The following SLC5A12 variants were observed in gnomAD, a reference collection of about 807,000 sequenced individuals.
SLC5A12 encodes solute carrier family 5 member 12.
SLC5A12 carries 46 observed loss-of-function variants against 72.7 expected under a neutral mutation model. That is an observed-to-expected ratio of 0.63 (90% CI 0.50 to 0.81). SLC5A12 has a LOEUF of 0.81. Among genes scored for constraint, SLC5A12 ranks in the 30% least tolerant of loss-of-function variants. SLC5A12 has a pLI of 0.00. For synonymous variants in SLC5A12, 275 were observed against 264.4 expected, an observed-to-expected ratio of 1.04 and a Z score of -0.39; for missense variants, 683 against 740.7, an observed-to-expected ratio of 0.92 and a Z score of 0.90.
At chr11:26,713,900 AG>A in intron 1 of SLC5A12, among the ~76,000 whole-genome samples, 1 of 152,126 alleles carries the variant, frequency 6.6e-6, no homozygotes, top group East Asian at 1.9e-4. Flanking sequence ...GGCTGCTGGC[AG>A]TCCTTAGCTT....
In SLC5A12 at chr11:26,668,402, T is replaced by C. The variant is rs1854048789; in HGVS notation, c.*2700A>G. ...CATTTATTGAGAATGTCTCTGGTCA[T>C]GCTGTGGCAAAAACAGCCACAAGTT... On this transcript the variant is annotated 3_prime_UTR_variant, in exon 15 of 15. Coordinates refer to ENST00000396005, the MANE Select transcript of SLC5A12 (RefSeq NM_178498.4). 6.6e-6 allele frequency: 1 copy of C among 152,070 alleles called. No homozygotes were observed. The highest frequency in any genetic ancestry group is 1.5e-5 in the Non-Finnish European group (1 of 68,016). 9.4% of individuals were successfully genotyped at this position (152,070 alleles called of 1,614,324 possible).
chr11:26,709,355 G>A lies in SLC5A12; in HGVS notation c.482C>T (p.Ser161Phe), dbSNP rs897910907. The part of the protein sequence containing the change: ...NQVTGFDLWG[S>F]VFATGIVCTF... ...GCAAACAATTCCTGTTGCAAACACA[G>A]AGCCCCAGAGATCAAACCCAGTCAC... Residue 161 changes from serine to phenylalanine, a missense_variant, in exon 4 of 15, where the codon TCT (serine) becomes TTT (phenylalanine). Ser to Phe is a radical substitution (Grantham distance 155). Coordinates refer to ENST00000396005, the MANE Select transcript of SLC5A12 (RefSeq NM_178498.4). 1 of 1,611,428 alleles carries A rather than the reference G, an allele frequency of 6.2e-7. No individual in the cohort carries two copies. Among genetic ancestry groups the A allele is most frequent in the Non-Finnish European group, 8.5e-7 (1 of 1,178,626 alleles).
chr11:26,678,402 C>T (rs572140294), intron 13 of SLC5A12, among the ~76,000 whole-genome samples: 194 of 151,862 alleles, frequency 1.3e-3, no homozygotes, highest in Middle Eastern at 0.01. Context: ...TTTTTTGAGA[C>T]GGAGCCTTGC....
At chr11:26,703,504 TA>T (rs765060060) in intron 6 of SLC5A12, 26 bp downstream of exon 6, 3 of 1,609,312 alleles carry the variant, frequency 1.9e-6, no homozygotes, top group Non-Finnish European at 2.5e-6. Context: ...GATAAAACAT[TA>T]AAATTTTTCT....
intron 6 of SLC5A12, among the ~76,000 whole-genome samples, chr11:26,700,975 C>T (rs1326837897): frequency 2.0e-5 from 3 of 152,110 alleles, no homozygotes; most frequent in African/African-American, 7.2e-5. Flanking sequence ...TTTTCTAAGC[C>T]GCATGGAATG....
intron 4 of SLC5A12, 39 bp from the exon 5 acceptor site, chr11:26,703,986 C>G: frequency 6.2e-7 from 1 of 1,609,110 alleles, no homozygotes; most frequent in South Asian, 1.1e-5. Flanking sequence ...GAAAACAAAC[C>G]CTGTAACTGT....
At chr11:26,685,821 C>T (rs968082639) in intron 10 of SLC5A12, among the ~76,000 whole-genome samples, 3 of 151,896 alleles carry the variant, frequency 2.0e-5, no homozygotes, top group African/African-American at 7.3e-5. Context: ...CTTTTTTTCC[C>T]GTAATCACCT....
At chr11:26,687,932 C>T (rs908046752) in intron 9 of SLC5A12, among the ~76,000 whole-genome samples, 19 of 152,294 alleles carry the variant, frequency 1.2e-4, no homozygotes, top group African/African-American at 4.1e-4. Flanking sequence ...TGTATTGCTT[C>T]ATGAAAAAGG....
chr11:26,703,386 T>C (rs1195575675), intron 6 of SLC5A12, 145 bp downstream of exon 6: 1 of 867,204 alleles, frequency 1.2e-6, no homozygotes, highest in Non-Finnish European at 1.7e-6. Context: ...TTGAAAGAGT[T>C]AAGTGAGTCT....
At chr11:26,717,323 A>G (rs546451114) in intron 1 of SLC5A12, among the ~76,000 whole-genome samples, 1 of 152,278 alleles carries the variant, frequency 6.6e-6, no homozygotes, top group East Asian at 1.9e-4. Flanking sequence ...GAAATATGAG[A>G]GAACAGGTAG....
intron 6 of SLC5A12, among the ~76,000 whole-genome samples, chr11:26,699,372 A>G (rs1854904336): frequency 6.6e-6 from 1 of 152,164 alleles, no homozygotes; most frequent in African/African-American, 2.4e-5. Context: ...GTAAAGACAC[A>G]CGTTTATTTC....
At chr11:26,702,353 G>T in intron 6 of SLC5A12, among the ~76,000 whole-genome samples, 1 of 152,164 alleles carries the variant, frequency 6.6e-6, no homozygotes, top group East Asian at 1.9e-4. Flanking sequence ...CTTACAAAAT[G>T]GTTGAATCGT....
chr11:26,680,827 G>A (rs933559868), intron 12 of SLC5A12, among the ~76,000 whole-genome samples: 3 of 151,936 alleles, frequency 2.0e-5, no homozygotes, highest in African/African-American at 7.2e-5. Context: ...CTCATATCTC[G>A]CATTAACTCT....
rs1189152104 is a variant in SLC5A12 at position 26,670,893 on chromosome 11, C to G, written c.*209G>C. 9.8e-6 allele frequency: 4 copies of G among 407,354 alleles called. No homozygotes were observed. The highest frequency in any genetic ancestry group is 2.1e-5 in the African/African-American group (1 of 48,386). The allele number at this position is 407,354 out of a possible 1,614,324, so 25.2% of individuals were successfully genotyped here. On this transcript the variant is annotated 3_prime_UTR_variant, in exon 15 of 15. Transcript: ENST00000396005. ...GGGCATTTGGAGCAGGTTGGTTTTT[C>G]TCTGTGAAAGTTGGAGTCTTTCAAA...
At chr11:26,671,327 A>G in intron 14 of SLC5A12, 76 bp from the exon 15 acceptor site, 1 of 1,343,288 alleles carries the variant, frequency 7.4e-7, no homozygotes, top group South Asian at 1.6e-5. Flanking sequence ...AATCTTGTTT[A>G]GGCCTTGGCT....
chr11:26,710,842 A>T (rs1855207763), intron 3 of SLC5A12, among the ~76,000 whole-genome samples: 1 of 152,108 alleles, frequency 6.6e-6, no homozygotes, highest in East Asian at 1.9e-4. Context: ...TGTGAAGTTT[A>T]CTTTGACTTT....
chr11:26,722,880 A>G (rs1855507003), upstream of SLC5A12, among the ~76,000 whole-genome samples: 3 of 150,550 alleles, frequency 2.0e-5, no homozygotes. Context: ...AAGATCTAGT[A>G]TGAGTTTTCT....
At chr11:26,683,612 G>A in intron 11 of SLC5A12, 145 bp downstream of exon 11, 3 of 587,460 alleles carry the variant, frequency 5.1e-6, no homozygotes, top group Non-Finnish European at 9.0e-6. Flanking sequence ...GTCAGAGACA[G>A]GTAGACTCAA....
At chr11:26,716,740 C>A (rs538380236) in intron 1 of SLC5A12, among the ~76,000 whole-genome samples, 5 of 152,232 alleles carry the variant, frequency 3.3e-5, no homozygotes, top group African/African-American at 7.2e-5. Context: ...GCTTGCCCCC[C>A]ACTTTCAAAA....
Sources: gnomAD v4.1 joint callset for allele counts (sites outside exome capture counted in the v4.1 genomes callset) on GRCh38, gnomAD v4.1.1 for gene constraint, MANE v1.5 for transcripts, NCBI Gene and HGNC (gene_info 2026-07-23, HGNC 2026-07-21) for gene names.